The following NLK variants were observed in gnomAD, a reference collection of about 807,000 sequenced individuals.
NLK encodes the protein nemo like kinase, also known as serine/threonine-protein kinase NLK.
Under a neutral mutation model 59.0 loss-of-function variants are expected in NLK, and 11 were observed. That is an observed-to-expected ratio of 0.19 (90% CI 0.12 to 0.31). NLK has a LOEUF of 0.31. Ranked by LOEUF, NLK falls within the 10% of genes least tolerant of loss-of-function variation. The probability of loss-of-function intolerance (pLI) is 1.00; values close to 1 mark genes in which losing one functional copy is unlikely to be tolerated. For synonymous variants in NLK, 235 were observed against 235.9 expected, an observed-to-expected ratio of 1.00 and a Z score of 0.03; for missense variants, 410 against 661.1, an observed-to-expected ratio of 0.62 and a Z score of 4.16.
intron 1 of NLK, among the ~76,000 whole-genome samples, chr17:28,075,511 C>G (rs572156598): frequency 6.6e-6 from 1 of 152,202 alleles, no homozygotes. Flanking sequence ...GTTTGTGCCT[C>G]AGGTTCATCT....
chr17:28,147,581 T>C (rs1055873824), intron 3 of NLK, among the ~76,000 whole-genome samples: 1 of 151,924 alleles, frequency 6.6e-6, no homozygotes, highest in Non-Finnish European at 1.5e-5. Flanking sequence ...CTAGATTAGT[T>C]ACCTGGTCTT....
At chr17:28,192,284 C>T (rs1379274908) in intron 10 of NLK, 71 bp downstream of exon 10, 1 of 825,112 alleles carries the variant, frequency 1.2e-6, no homozygotes, top group African/African-American at 1.7e-5. Flanking sequence ...CATTATTCAG[C>T]ATATTTGTTT....
chr17:28,148,979 C>A (rs1172903602), intron 3 of NLK, among the ~76,000 whole-genome samples: 1 of 152,192 alleles, frequency 6.6e-6, no homozygotes, highest in African/African-American at 2.4e-5. Context: ...TGAAATAGTT[C>A]ATATGAAGTA....
chr17:28,059,757 T>TTG (rs149627908), intron 1 of NLK, among the ~76,000 whole-genome samples: 2,574 of 152,254 alleles, frequency 0.017, 82 homozygotes, highest in African/African-American at 0.059. Flanking sequence ...AAGCTGTAGT[T>TTG]TAGGGTTTGC....
At chr17:28,057,979 G>C (rs1311025670) in intron 1 of NLK, among the ~76,000 whole-genome samples, 1 of 152,156 alleles carries the variant, frequency 6.6e-6, no homozygotes, top group East Asian at 1.9e-4. Flanking sequence ...TTGCTGCCTA[G>C]GCTACAATAT....
At chr17:28,146,377 C>T (rs918530131) in intron 3 of NLK, among the ~76,000 whole-genome samples, 2 of 111,222 alleles carry the variant, frequency 1.8e-5, no homozygotes, top group African/African-American at 3.8e-5. Context: ...CCTCATATAA[C>T]GATGTTGATG....
intron 3 of NLK, among the ~76,000 whole-genome samples, chr17:28,144,098 A>G (rs938237911): frequency 6.6e-6 from 1 of 152,148 alleles, no homozygotes; most frequent in African/African-American, 2.4e-5. Flanking sequence ...GAAGATAGAA[A>G]ATTGACCGCC....
chr17:28,124,627 C>G (rs924487246), intron 2 of NLK, among the ~76,000 whole-genome samples: 3 of 152,190 alleles, frequency 2.0e-5, no homozygotes, highest in Non-Finnish European at 4.4e-5. Context: ...CTAGTTCTTT[C>G]TTAGTTATTT....
At chr17:28,133,169 T>C (rs140524138) in intron 3 of NLK, among the ~76,000 whole-genome samples, 117 of 152,360 alleles carry the variant, frequency 7.7e-4, no homozygotes, top group Non-Finnish European at 1.0e-3. Context: ...CCATTACTTA[T>C]ATAGTTTTTA....
chr17:28,107,551 A>G (rs1459438625), intron 1 of NLK, among the ~76,000 whole-genome samples: 5 of 152,208 alleles, frequency 3.3e-5, no homozygotes, highest in Admixed American at 3.3e-4. Flanking sequence ...AGGTCAGAAC[A>G]TAAGATTGAA....
At chr17:28,069,320 C>T (rs1488736072) in intron 1 of NLK, among the ~76,000 whole-genome samples, 2 of 152,130 alleles carry the variant, frequency 1.3e-5, no homozygotes, top group Non-Finnish European at 2.9e-5. Flanking sequence ...GTTTATCCAT[C>T]CTTCTGTTCC....
chr17:28,192,485 A>T (rs1333137763), intron 10 of NLK, among the ~76,000 whole-genome samples: 1 of 152,140 alleles, frequency 6.6e-6, no homozygotes, highest in East Asian at 1.9e-4. Flanking sequence ...CCTGACTAAC[A>T]TGGAGAAACC....
intron 2 of NLK, among the ~76,000 whole-genome samples, chr17:28,131,385 A>G (rs572846069): frequency 2.0e-5 from 3 of 152,024 alleles, no homozygotes; most frequent in Admixed American, 6.6e-5. Context: ...TGATCATTGC[A>G]ATTTTTAACC....
At chr17:28,172,698 A>AT in intron 7 of NLK, 80 bp downstream of exon 7, 1 of 691,900 alleles carries the variant, frequency 1.4e-6, no homozygotes, top group Non-Finnish European at 2.2e-6. Flanking sequence ...TCTATTAAGG[A>AT]TTTTTAAGCA....
At chr17:28,164,643 A>G (rs898484794) in intron 5 of NLK, among the ~76,000 whole-genome samples, 3 of 152,168 alleles carry the variant, frequency 2.0e-5, no homozygotes, top group Admixed American at 1.3e-4. Context: ...ACAGATGTGT[A>G]TTGGCAGAAC....
At chr17:28,061,894 CATATACATACATATATACATAT>C (rs1194987013) in intron 1 of NLK, 1 of 135,844 alleles carries the variant, frequency 7.4e-6, no homozygotes, top group South Asian at 2.2e-4. Context: ...TACATATATA[CATATACATACATATATACATAT>C]ATATACATAT....
chr17:28,075,020 G>A (rs868673334), intron 1 of NLK, among the ~76,000 whole-genome samples: 1 of 152,140 alleles, frequency 6.6e-6, no homozygotes, highest in Admixed American at 6.5e-5. Flanking sequence ...ACAATTGTTT[G>A]CTTTTTATTT....
downstream of NLK, among the ~76,000 whole-genome samples, chr17:28,200,742 C>T (rs1190822245): frequency 6.6e-6 from 1 of 152,216 alleles, no homozygotes; most frequent in Non-Finnish European, 1.5e-5. Flanking sequence ...CCTTGGCCTC[C>T]CAAATTGTTG....
intron 7 of NLK, among the ~76,000 whole-genome samples, chr17:28,183,185 A>T (rs1908981974): frequency 6.6e-6 from 1 of 152,220 alleles, no homozygotes; most frequent in Non-Finnish European, 1.5e-5. Flanking sequence ...CTTTAAGAAA[A>T]AGAAGAAGCA....
Sources: allele counts gnomAD v4.1 joint callset (sites outside exome capture counted in the v4.1 genomes callset), GRCh38; gene constraint gnomAD v4.1.1; transcripts MANE v1.5; gene names NCBI Gene and HGNC (gene_info 2026-07-23, HGNC 2026-07-21).